ENAH: variants seen among roughly 807,000 people sequenced by gnomAD.
ENAH encodes ENAH actin regulator.
In ENAH, 23 loss-of-function variants were observed where a neutral mutation model predicts 78.7. That is an observed-to-expected ratio of 0.29 (90% CI 0.21 to 0.41). The LOEUF (loss-of-function observed/expected upper bound fraction) is 0.41. Among genes scored for constraint, ENAH ranks in the 10% least tolerant of loss-of-function variants. ENAH has a pLI of 1.00. For missense variants in ENAH, 544 were observed against 691.0 expected (o/e 0.79, Z 2.39); for synonymous variants, 226 against 241.0 (o/e 0.94, Z 0.58).
intron 6 of ENAH, among the ~76,000 whole-genome samples, chr1:225,515,891 C>T (rs2096413738): frequency 6.6e-6 from 1 of 152,198 alleles, no homozygotes; most frequent in South Asian, 2.1e-4. Context: ...CCATTTTGTA[C>T]AGTATAACTG....
intron 1 of ENAH, chr1:225,652,288 T>C: frequency 1.0e-6 from 1 of 974,492 alleles, no homozygotes; most frequent in Non-Finnish European, 1.2e-6. Context: ...CAAAAGTGCA[T>C]GAAATTTTTA....
Position 225,652,696 on chromosome 1 carries a change from C to T in ENAH, c.-6G>A. 1.5e-6 allele frequency: 2 copies of T among 1,319,146 alleles called. No individual in the cohort carries two copies. The highest frequency in any genetic ancestry group is 2.1e-5 in the South Asian group (1 of 46,560). 81.7% of individuals were successfully genotyped at this position (1,319,146 alleles called of 1,614,324 possible). A position where few individuals can be genotyped will look rare whatever the true frequency, so the allele number is the denominator to read the frequency against. On this transcript the variant is annotated 5_prime_UTR_variant, in exon 1 of 14. Coordinates refer to ENST00000366843, the MANE Select transcript of ENAH (RefSeq NM_018212.6). ...CCGCGCGCCCCTCACCTCATGGTGC[C>T]GGCGGCGCAGAGGCTTCCCCACCAG...
At chr1:225,528,020 T>C (rs559768029) in intron 4 of ENAH, among the ~76,000 whole-genome samples, 12 of 152,266 alleles carry the variant, frequency 7.9e-5, no homozygotes, top group African/African-American at 1.9e-4. Context: ...TCTAAACCCA[T>C]AGGCAAAAGT....
intron 1 of ENAH, among the ~76,000 whole-genome samples, chr1:225,597,723 G>A (rs2147963650): frequency 6.7e-6 from 1 of 148,228 alleles, no homozygotes; most frequent in East Asian, 2.0e-4. Flanking sequence ...CATGTGAATT[G>A]AATCCTGGGC....
At position 225,490,733 on chromosome 1, in the gene ENAH, A is replaced by C. The variant is rs932604878; in HGVS notation, c.*7042T>G. 2.6e-5 allele frequency: 4 copies of C among 152,228 alleles called. No homozygotes were observed. The highest frequency in any genetic ancestry group is 9.6e-5 in the African/African-American group (4 of 41,472). 9.4% of individuals were successfully genotyped at this position (152,228 alleles called of 1,614,324 possible). A position where few individuals can be genotyped will look rare whatever the true frequency, so the allele number is the denominator to read the frequency against. ...TAGATTTTAACAGGGCTTTCTTCTCAATATCTAAGCCTTCCCAATTACTTT... is the reference window on the plus strand; with the variant it reads ...TAGATTTTAACAGGGCTTTCTTCTCCATATCTAAGCCTTCCCAATTACTTT... On this transcript the variant is annotated 3_prime_UTR_variant, in exon 14 of 14. Coordinates refer to ENST00000366843, the MANE Select transcript of ENAH (RefSeq NM_018212.6).
intron 2 of ENAH, among the ~76,000 whole-genome samples, chr1:225,562,497 G>A (rs1234080403): frequency 9.4e-5 from 13 of 138,852 alleles, no homozygotes; most frequent in East Asian, 4.6e-4. Flanking sequence ...GCATGAACCC[G>A]GAAGGCAGAG....
At chr1:225,560,973 T>A (rs187653167) in intron 2 of ENAH, among the ~76,000 whole-genome samples, 66 of 152,334 alleles carry the variant, frequency 4.3e-4, no homozygotes, top group Non-Finnish European at 6.5e-4. Flanking sequence ...CAGTGGCTCA[T>A]GCCTGTAATC....
At chr1:225,616,921 A>AC in intron 1 of ENAH, among the ~76,000 whole-genome samples, 1 of 152,066 alleles carries the variant, frequency 6.6e-6, no homozygotes, top group Non-Finnish European at 1.5e-5. Flanking sequence ...CCAAGTGGAG[A>AC]AATCCTGTCT....
intron 12 of ENAH, among the ~76,000 whole-genome samples, 185 bp from the exon 13 acceptor site, chr1:225,498,589 T>C (rs2096262993): frequency 6.6e-6 from 1 of 152,198 alleles, no homozygotes; most frequent in African/African-American, 2.4e-5. Flanking sequence ...CCCTTCCCAA[T>C]CCTGGCTTAT....
intron 1 of ENAH, among the ~76,000 whole-genome samples, chr1:225,634,613 A>C (rs886321070): frequency 6.6e-6 from 1 of 152,194 alleles, no homozygotes; most frequent in African/African-American, 2.4e-5. Flanking sequence ...AAAAAACACT[A>C]AACTCTCTTT....
chr1:225,565,815 C>A (rs977499955), intron 2 of ENAH, among the ~76,000 whole-genome samples: 5 of 151,924 alleles, frequency 3.3e-5, no homozygotes, highest in African/African-American at 1.2e-4. Flanking sequence ...TGCAACACAA[C>A]AAGGAAACTG....
intron 1 of ENAH, among the ~76,000 whole-genome samples, chr1:225,644,344 A>C (rs1415139268): frequency 1.3e-5 from 2 of 152,234 alleles, no homozygotes; most frequent in East Asian, 3.8e-4. Flanking sequence ...AAAGACCACA[A>C]TTAAGTAGAC....
At position 225,491,481 on chromosome 1, in the gene ENAH, A is replaced by AC. The variant is rs1332249336; in HGVS notation, c.*6293_*6294insG. On this transcript the variant is annotated 3_prime_UTR_variant, in exon 14 of 14. Transcript: ENST00000366843. ...TTTTAAAATGCCTTTAATCTTTAAA[A>AC]AAAAAAATAAAAGAAAAAGAAAAAA... is the stretch of plus-strand genomic sequence containing the variant. 1 of 150,898 alleles carries AC rather than the reference A, an allele frequency of 6.6e-6. No homozygotes were observed. The highest frequency in any genetic ancestry group is 1.5e-5 in the Non-Finnish European group (1 of 67,846). The allele number at this position is 150,898 out of a possible 1,614,324, so 9.3% of individuals were successfully genotyped here.
chr1:225,590,272 C>T (rs910768998), intron 1 of ENAH, among the ~76,000 whole-genome samples: 4 of 151,914 alleles, frequency 2.6e-5, no homozygotes, highest in Admixed American at 6.6e-5. Context: ...GCCAGGAGTT[C>T]GACACCTGCT....
chr1:225,632,004 C>G (rs979462341), intron 1 of ENAH, among the ~76,000 whole-genome samples: 1 of 152,164 alleles, frequency 6.6e-6, no homozygotes, highest in Non-Finnish European at 1.5e-5. Context: ...TTGTAGGTAA[C>G]TAGTAACAAT....
chr1:225,535,000 C>T (rs970383257), intron 3 of ENAH, among the ~76,000 whole-genome samples: 1 of 152,060 alleles, frequency 6.6e-6, no homozygotes. Flanking sequence ...TTCTAACCTA[C>T]TGAATAAAGG....
At chr1:225,568,445 G>A (rs754453879) in intron 1 of ENAH, among the ~76,000 whole-genome samples, 1 of 152,120 alleles carries the variant, frequency 6.6e-6, no homozygotes. Flanking sequence ...TAGGATATTA[G>A]AATAGGCACA....
intron 1 of ENAH, among the ~76,000 whole-genome samples, chr1:225,575,544 T>C (rs2096784079): frequency 6.6e-6 from 1 of 152,236 alleles, no homozygotes; most frequent in South Asian, 2.1e-4. Flanking sequence ...ATCCTAGTGC[T>C]GGGAGCACAC....
At chr1:225,589,721 G>A (rs2096866171) in intron 1 of ENAH, among the ~76,000 whole-genome samples, 1 of 152,132 alleles carries the variant, frequency 6.6e-6, no homozygotes, top group Non-Finnish European at 1.5e-5. Context: ...GAGAAGGATG[G>A]AGAGACAGAT....
Sources: gnomAD v4.1 joint callset for allele counts (sites outside exome capture counted in the v4.1 genomes callset) on GRCh38, gnomAD v4.1.1 for gene constraint, MANE v1.5 for transcripts, NCBI Gene and HGNC (gene_info 2026-07-23, HGNC 2026-07-21) for gene names.